The following PRSS22 variants were observed in gnomAD, a reference collection of about 807,000 sequenced individuals.
PRSS22 encodes the protein serine protease 22.
PRSS22 carries 26 observed loss-of-function variants against 28.0 expected under a neutral mutation model. The observed-to-expected ratio is 0.93, with a 90% confidence interval of 0.68 to 1.29. The LOEUF (loss-of-function observed/expected upper bound fraction) is 1.29. Among genes scored for constraint, PRSS22 ranks in the 50% most tolerant of loss-of-function variants. The pLI is 0.00. For synonymous variants in PRSS22, 217 were observed against 177.9 expected (o/e 1.22, Z -1.75); for missense variants, 444 against 422.1 (o/e 1.05, Z -0.46).
At chr16:2,854,362 C>T (rs949980414) in intron 4 of PRSS22, 27 of 225,882 alleles carry the variant, frequency 1.2e-4, no homozygotes, top group Non-Finnish European at 5.4e-5. Flanking sequence ...AATGTCCACT[C>T]GATGTTGAAA....
intron 4 of PRSS22, among the ~76,000 whole-genome samples, chr16:2,855,347 C>CAAAAAAAAAAAAAAAAAAAAAAA (rs33950878): frequency 1.4e-5 from 1 of 69,042 alleles, no homozygotes; most frequent in Non-Finnish European, 2.6e-5. Context: ...CACCCTGTCT[C>CAAAAAAAAAAAAAAAAAAAAAAA]AAAAAAAAAA....
In PRSS22 at chr16:2,853,990, G is replaced by C; in HGVS notation, c.592C>G (p.Leu198Val). Reference protein sequence around the residue: ...PLPHPQTLQKLKVPIIDSEVC... With the variant: ...PLPHPQTLQKVKVPIIDSEVC... Reference sequence around the variant, plus strand: ...TCCGAGTCGATGATAGGAACCTTCAGCTTCTGCAGGGTCTGAGGGTGGGGC... The same window carrying C: ...TCCGAGTCGATGATAGGAACCTTCACCTTCTGCAGGGTCTGAGGGTGGGGC... Residue 198 changes from leucine to valine, a missense_variant, in exon 5 of 6, where the codon CTG becomes GTG. Leu to Val is a conservative substitution (Grantham distance 32, BLOSUM62 1). Transcript: ENST00000161006. This position sits in a 1 kb window ranked among gnomAD's most constrained non-coding sequence, Gnocchi z 4.6. 1 of 1,614,236 alleles carries C rather than the reference G, an allele frequency of 6.2e-7. No homozygotes were observed. Among genetic ancestry groups the C allele is most frequent in the Non-Finnish European group, 8.5e-7 (1 of 1,180,052 alleles).
chr16:2,855,128 G>C (rs1163542516), intron 4 of PRSS22, among the ~76,000 whole-genome samples: 2 of 152,018 alleles, frequency 1.3e-5, no homozygotes, highest in Admixed American at 6.5e-5. Context: ...CTGGTGGATT[G>C]CTTGAGCCCA....
At chr16:2,856,669 C>T (rs556139179) in intron 2 of PRSS22, among the ~76,000 whole-genome samples, 153 bp downstream of exon 2, 58 of 152,252 alleles carry the variant, frequency 3.8e-4, no homozygotes, top group African/African-American at 1.3e-3. Context: ...TCCTTGCATC[C>T]GTGTCTCCTT....
At position 2,852,810 on chromosome 16, in the gene PRSS22, A is replaced by G. The variant is rs913264211; in HGVS notation, c.*283T>C. 6 of 438,036 alleles carry G rather than the reference A, an allele frequency of 1.4e-5. No homozygotes were observed. The highest frequency in any genetic ancestry group is 2.4e-5 in the Non-Finnish European group (6 of 252,718). The allele number at this position is 438,036 out of a possible 1,614,324, so 27.1% of individuals were successfully genotyped here. On this transcript the variant is annotated 3_prime_UTR_variant, in exon 6 of 6. Transcript: ENST00000161006. ...TTACAAATACCTATAAAAATCATTA[A>G]CATTTATATACACAAAAGCGCTGGG...
At chr16:2,857,892 G>T in intron 1 of PRSS22, 131 bp downstream of exon 1, 1 of 627,782 alleles carries the variant, frequency 1.6e-6, no homozygotes, top group South Asian at 8.5e-5. Flanking sequence ...CAGTTAAGGA[G>T]CAAGAGATAA....
At position 2,853,227 on chromosome 16, in the gene PRSS22, C is replaced by T. The variant is rs770812267; in HGVS notation, c.820G>A (p.Val274Ile). ...CGGTGCGCAGAGAGGCTGATGTAGA[C>T]CCCGGGCCTGTTGCGCTCGGCACAG... ...EGCAERNRPGVYISLSAHRSW... is the reference protein window; with the variant it reads ...EGCAERNRPGIYISLSAHRSW... Residue 274 changes from valine (V) to isoleucine (I), a missense_variant, in exon 6 of 6, where the codon GTC (valine) becomes ATC (isoleucine). By Grantham distance (29) the Val-to-Ile change is conservative. Transcript: ENST00000161006. The surrounding 1 kb of genome is among the most constrained non-coding windows in gnomAD (Gnocchi z 4.6). 9.4e-6 allele frequency: 15 copies of T among 1,600,724 alleles called. No individual in the cohort carries two copies. In the Admixed American group the frequency reaches 1.0e-4, roughly 11 times the overall value.
At position 2,855,793 on chromosome 16, in the gene PRSS22, G is replaced by T; in HGVS notation, c.340C>A (p.Pro114Thr). Residue 114 changes from proline to threonine, a missense_variant, in exon 4 of 6, where the codon CCT (proline) becomes ACT (threonine). Physicochemically the swap from Pro to Thr is conservative, Grantham distance 38. Coordinates refer to ENST00000161006, the MANE Select transcript of PRSS22 (RefSeq NM_022119.4). Reference protein sequence around the residue: ...VLLGAWQLGNPGSRSQKVGVA... With the variant: ...VLLGAWQLGNTGSRSQKVGVA... ...CCCACCTTCTGGGACCGAGAGCCAGGGTTCCCCAGCTGCCAGGCCCCCAGC... is the reference window on the plus strand; with the variant it reads ...CCCACCTTCTGGGACCGAGAGCCAGTGTTCCCCAGCTGCCAGGCCCCCAGC... 1 of 1,613,936 alleles carries T rather than the reference G, an allele frequency of 6.2e-7. No individual in the cohort carries two copies.
chr16:2,855,365 A>AAAAAAAAAAAAAAAAAAG (rs1555473080), intron 4 of PRSS22, among the ~76,000 whole-genome samples: 1 of 134,582 alleles, frequency 7.4e-6, no homozygotes, highest in Non-Finnish European at 1.5e-5. Flanking sequence ...AAAAAAAAAA[A>AAAAAAAAAAAAAAAAAAG]AAGAAGAAGA....
Position 2,853,924 on chromosome 16 carries a change from G to A in PRSS22, c.658C>T (p.Pro220Ser), listed in dbSNP as rs1470812686. The change falls in exon 5 of 6, where the codon CCC becomes TCC. Residue 220 changes from proline (P) to serine (S), a missense_variant. Transcript: ENST00000161006. This position sits in a 1 kb window ranked among gnomAD's most constrained non-coding sequence, Gnocchi z 4.6. ...GCACACAGCATGTCCTCAGTGATGG[G>A]TCCCTGTCCTGCTCCCCGCCAGTAC... ...HLYWRGAGQG[P>S]ITEDMLCAGY... 2.5e-6 allele frequency: 4 copies of A among 1,614,196 alleles called. No homozygotes were observed. The highest frequency in any genetic ancestry group is 1.1e-5 in the South Asian group (1 of 91,082).
Position 2,853,415 on chromosome 16 carries a change from G to A in PRSS22, c.718-86C>T, listed in dbSNP as rs758315206. 520 of 1,123,528 alleles carry A rather than the reference G, an allele frequency of 4.6e-4. 1 individual carries two copies. Among genetic ancestry groups the A allele is most frequent in the Non-Finnish European group, 6.0e-4 (476 of 793,554 alleles). 69.6% of individuals were successfully genotyped at this position (1,123,528 alleles called of 1,614,324 possible). ...CCGTGCCCTGTCAGGGGGCAGATGAGCCCCTTCCCGGGAGCCCGTTTCTCC... is the reference window on the plus strand; with the variant it reads ...CCGTGCCCTGTCAGGGGGCAGATGAACCCCTTCCCGGGAGCCCGTTTCTCC... On this transcript the variant is annotated intron_variant, in intron 5 of 5. Transcript: ENST00000161006. The surrounding 1 kb of genome is among the most constrained non-coding windows in gnomAD (Gnocchi z 4.6).
At chr16:2,857,166 TCCCAGCACCCAGTGAGGAGGGGTC>T (rs1567291503) in intron 1 of PRSS22, 15 of 378,794 alleles carry the variant, frequency 4.0e-5, no homozygotes, top group African/African-American at 1.3e-4. Context: ...TGGGAAGGGG[TCCCAGCACCCAGTGAGGAGGGGTC>T]CCCAGCGCCC....
At chr16:2,858,000 G>T (rs1028184665) in intron 1 of PRSS22, 23 bp downstream of exon 1, 25 of 1,266,522 alleles carry the variant, frequency 2.0e-5, no homozygotes, top group Non-Finnish European at 2.3e-5. Flanking sequence ...GAGGGAGGAG[G>T]GAGGAGCAGC....
At position 2,857,326 on chromosome 16, in the gene PRSS22, C is replaced by CCCCAGCGCCCAGTGAG. The variant is rs1567291644; in HGVS notation, c.83-479_83-478insCTCACTGGGCGCTGGG. ...AGGAGGGGTCCCCAGCGCCCAGTGA[C>CCCCAGCGCCCAGTGAG]GAGGGGGTCCCAGCGCTCAGTGAGG... On this transcript the variant is annotated intron_variant, in intron 1 of 5. Transcript: ENST00000161006. Among the ~76,000 whole-genome samples the CCCCAGCGCCCAGTGAG allele has an allele frequency of 6.5e-4, 64 of 99,068 alleles. 6 individuals carry two copies. Among genetic ancestry groups the CCCCAGCGCCCAGTGAG allele is most frequent in the African/African-American group, 2.1e-3 (49 of 23,316 alleles). 65.0% of individuals were successfully genotyped at this position (99,068 alleles called of 152,430 possible).
chr16:2,856,716 ACC>A (rs1254436738), intron 2 of PRSS22, 104 bp downstream of exon 2: 8 of 1,332,632 alleles, frequency 6.0e-6, no homozygotes, highest in Non-Finnish European at 8.4e-6. Context: ...TCCCCCTCTC[ACC>A]CCAGCCCCTT....
In PRSS22 at chr16:2,853,946, G is replaced by T. The variant is rs373102852; in HGVS notation, c.636C>A (p.Tyr212Ter). ...IIDSEVCSHL[Y>*]WRGAGQGPIT... ...TGGGTCCCTGTCCTGCTCCCCGCCA[G>T]TACAGATGGCTGCAGACTTCCGAGT... The change falls in exon 5 of 6, where the codon TAC becomes TAA. Residue 212 changes from tyrosine to a stop codon, truncating the protein, a stop_gained. Transcript: ENST00000161006. LOFTEE classifies it high-confidence loss of function. This position sits in a 1 kb window ranked among gnomAD's most constrained non-coding sequence, Gnocchi z 4.6. 1.1e-5 allele frequency: 17 copies of T among 1,614,098 alleles called. No homozygotes were observed. Among genetic ancestry groups the T allele is most frequent in the Non-Finnish European group, 1.7e-6 (2 of 1,180,036 alleles).
chr16:2,855,924 G>A (rs997197768), intron 3 of PRSS22, 73 bp from the exon 4 acceptor site: 10 of 1,546,112 alleles, frequency 6.5e-6, no homozygotes, highest in Middle Eastern at 3.4e-4. Flanking sequence ...CAGCATGGGT[G>A]TGAAGGCCCC....
chr16:2,856,040 A>G, intron 3 of PRSS22, 42 bp downstream of exon 3: 3 of 1,600,442 alleles, frequency 1.9e-6, no homozygotes, highest in Non-Finnish European at 2.6e-6. Context: ...CACAAAGCCC[A>G]GGGCCTTAGA....
intron 4 of PRSS22, 177 bp from the exon 5 acceptor site, chr16:2,854,199 C>G (rs1209223449): frequency 3.1e-6 from 2 of 647,592 alleles, no homozygotes; most frequent in Non-Finnish European, 5.3e-6. Flanking sequence ...GTCTCCACCT[C>G]TGGCCCTGCT....
Sources: gnomAD v4.1 joint callset for allele counts (sites outside exome capture counted in the v4.1 genomes callset) on GRCh38, gnomAD v4.1.1 for gene constraint, Gnocchi (gnomAD v3.1) non-coding constraint, MANE v1.5 for transcripts, NCBI Gene and HGNC (gene_info 2026-07-23, HGNC 2026-07-21) for gene names.